The following FAM241A variants were observed in gnomAD, a reference collection of about 807,000 sequenced individuals.
FAM241A encodes the protein family with sequence similarity 241 member A.
A neutral mutation model predicts 12.2 loss-of-function variants in FAM241A; 7 were observed. That is an observed-to-expected ratio of 0.58 (90% CI 0.33 to 1.08). FAM241A has a LOEUF of 1.08. Ranked by LOEUF, FAM241A falls within the 50% of genes least tolerant of loss-of-function variation. The probability of loss-of-function intolerance (pLI) is 0.04; values close to 1 mark genes in which losing one functional copy is unlikely to be tolerated. For missense variants in FAM241A, 161 were observed against 169.7 expected, an observed-to-expected ratio of 0.95 and a Z score of 0.29; for synonymous variants, 74 against 68.2, an observed-to-expected ratio of 1.08 and a Z score of -0.42.
At chr4:112,173,702 T>G (rs993801147) in intron 1 of FAM241A, among the ~76,000 whole-genome samples, 5 of 152,182 alleles carry the variant, frequency 3.3e-5, no homozygotes, top group Non-Finnish European at 7.3e-5. Flanking sequence ...ATGTGAAGAA[T>G]AATAAACACT....
In FAM241A at chr4:112,189,109, G is replaced by A. The variant is rs1724106241; in HGVS notation, c.*2171G>A. On this transcript the variant is annotated 3_prime_UTR_variant, in exon 2 of 2. Transcript: ENST00000309733. ...TGGTATAAAGAATTAGATTGGGCCGGGCGCGGTGGCTCACGCCTGTAATCC... is the reference window on the plus strand; with the variant it reads ...TGGTATAAAGAATTAGATTGGGCCGAGCGCGGTGGCTCACGCCTGTAATCC... The A allele has an allele frequency of 6.6e-6, 1 of 152,006 alleles. No homozygotes were observed. The highest frequency in any genetic ancestry group is 6.6e-5 in the Admixed American group (1 of 15,266). The allele number at this position is 152,006 out of a possible 1,614,324, so 9.4% of individuals were successfully genotyped here. A position where few individuals can be genotyped will look rare whatever the true frequency, so the allele number is the denominator to read the frequency against.
chr4:112,164,681 G>A (rs1309907645), intron 1 of FAM241A, among the ~76,000 whole-genome samples: 1 of 152,066 alleles, frequency 6.6e-6, no homozygotes, highest in African/African-American at 2.4e-5. Flanking sequence ...CCATAGAATG[G>A]GAGAAAATAT....
chr4:112,146,518 A>C (rs1023700438), intron 1 of FAM241A, among the ~76,000 whole-genome samples: 3 of 152,252 alleles, frequency 2.0e-5, no homozygotes, highest in Admixed American at 2.0e-4. Flanking sequence ...TGTATGTTGG[A>C]TGAATTTTCT....
chr4:112,172,531 G>GT (rs1478098153), intron 1 of FAM241A, among the ~76,000 whole-genome samples: 2 of 152,128 alleles, frequency 1.3e-5, no homozygotes, highest in Non-Finnish European at 2.9e-5. Flanking sequence ...GCATTAGTGG[G>GT]TTTTTTGCCA....
At chr4:112,155,018 G>A (rs1465764060) in intron 1 of FAM241A, among the ~76,000 whole-genome samples, 1 of 151,886 alleles carries the variant, frequency 6.6e-6, no homozygotes, top group Non-Finnish European at 1.5e-5. Context: ...GGGCGACAGA[G>A]CAAAACTCCG....
chr4:112,182,460 A>G (rs1187095969), intron 1 of FAM241A, among the ~76,000 whole-genome samples: 1 of 152,126 alleles, frequency 6.6e-6, no homozygotes, highest in African/African-American at 2.4e-5. Flanking sequence ...ATTTGTAATA[A>G]GTTAATTCTA....
At chr4:112,165,705 AAAT>A (rs1322208087) in intron 1 of FAM241A, among the ~76,000 whole-genome samples, 1 of 152,170 alleles carries the variant, frequency 6.6e-6, no homozygotes, top group East Asian at 1.9e-4. Flanking sequence ...CTAAAAATCA[AAAT>A]AATTGAACTC....
In FAM241A at chr4:112,192,534, C is replaced by T. The variant is rs1043711485; in HGVS notation, c.*5596C>T. On this transcript the variant is annotated 3_prime_UTR_variant, in exon 2 of 2. Transcript: ENST00000309733. The stretch of plus-strand genomic sequence containing the variant: ...ACAACAGTCCCCAGAGTGTGATGTT[C>T]CCCTTCCTGTGTCCATGTGTTCTCA... 7.0e-6 allele frequency: 1 copy of T among 142,572 alleles called. No individual in the cohort carries two copies. Among genetic ancestry groups the T allele is most frequent in the African/African-American group, 2.6e-5 (1 of 37,998 alleles). 8.8% of individuals were successfully genotyped at this position (142,572 alleles called of 1,614,324 possible). A position where few individuals can be genotyped will look rare whatever the true frequency, so the allele number is the denominator to read the frequency against.
intron 1 of FAM241A, chr4:112,171,437 C>A: frequency 1.3e-6 from 1 of 775,718 alleles, no homozygotes. Flanking sequence ...GTTGAGCCAA[C>A]TGCAGATCTA....
intron 1 of FAM241A, among the ~76,000 whole-genome samples, chr4:112,182,298 G>A (rs112707649): frequency 1.6e-4 from 24 of 152,170 alleles, no homozygotes; most frequent in East Asian, 3.9e-4. Context: ...TAATTGAATC[G>A]GATGACCTTT....
intron 1 of FAM241A, among the ~76,000 whole-genome samples, chr4:112,165,273 G>A (rs1723570758): frequency 6.6e-6 from 1 of 152,142 alleles, no homozygotes; most frequent in African/African-American, 2.4e-5. Flanking sequence ...GTGAGGATGT[G>A]GAGAAAAGGG....
At position 112,145,663 on chromosome 4, in the gene FAM241A, C is replaced by T; in HGVS notation, c.83C>T (p.Ala28Val). Residue 28 changes from alanine to valine, a missense_variant, in exon 1 of 2, where the codon GCG (alanine) becomes GTG (valine). Coordinates refer to ENST00000309733, the MANE Select transcript of FAM241A (RefSeq NM_152400.3). ...GGGGACGCGCTGGCGGAGCGGGAGGCGGCAGGGACCGGGTGGGATCCCGGG... is the reference window on the plus strand; with the variant it reads ...GGGGACGCGCTGGCGGAGCGGGAGGTGGCAGGGACCGGGTGGGATCCCGGG... ...EDGDALAERE[A>V]AGTGWDPGAS... 1 of 1,214,816 alleles carries T rather than the reference C, an allele frequency of 8.2e-7. No individual in the cohort carries two copies. Among genetic ancestry groups the T allele is most frequent in the Non-Finnish European group, 1.0e-6 (1 of 976,698 alleles). The allele number at this position is 1,214,816 out of a possible 1,614,324, so 75.3% of individuals were successfully genotyped here.
At chr4:112,161,477 T>C (rs11505080) in intron 1 of FAM241A, among the ~76,000 whole-genome samples, 188 of 151,836 alleles carry the variant, frequency 1.2e-3, no homozygotes, top group African/African-American at 4.1e-3. Context: ...GATAAAGGGG[T>C]ATCACCACCA....
intron 1 of FAM241A, among the ~76,000 whole-genome samples, chr4:112,181,812 A>AT (rs1723948849): frequency 6.6e-6 from 1 of 152,230 alleles, no homozygotes; most frequent in African/African-American, 2.4e-5. Context: ...AGAGACCCAG[A>AT]TAGAAGCCAG....
intron 1 of FAM241A, among the ~76,000 whole-genome samples, chr4:112,179,943 A>ATATATATATATATATGTG (rs1553921438): frequency 1.5e-5 from 2 of 129,512 alleles, no homozygotes; most frequent in South Asian, 2.3e-4. Flanking sequence ...ATATATGTAT[A>ATATATATATATATATGTG]TGTGTGTGTG....
At position 112,171,505 on chromosome 4, in the gene FAM241A, G is replaced by C. The variant is rs1031167230; in HGVS notation, c.154-15188G>C. ...TTTGAACTGGGAGGAGATAAGGAAA[G>C]AAAGGCCCAAGTGATTCAGTTCTAA... On this transcript the variant is annotated intron_variant, in intron 1 of 1. Coordinates refer to ENST00000309733, the MANE Select transcript of FAM241A (RefSeq NM_152400.3). 3.1e-5 allele frequency: 24 copies of C among 771,690 alleles called. No individual in the cohort carries two copies. The African/African-American group carries it at 3.5e-4, about 11-fold the overall frequency. 47.8% of individuals were successfully genotyped at this position (771,690 alleles called of 1,614,324 possible).
rs1578383289 is a variant in FAM241A, at chr4:112,192,523, A to G, written c.*5585A>G. On this transcript the variant is annotated 3_prime_UTR_variant, in exon 2 of 2. Coordinates refer to ENST00000309733, the MANE Select transcript of FAM241A (RefSeq NM_152400.3). The stretch of plus-strand genomic sequence containing the variant: ...CCCCCCACCCCACAACAGTCCCCAG[A>G]GTGTGATGTTCCCCTTCCTGTGTCC... 8.3e-6 allele frequency: 1 copy of G among 121,044 alleles called. No homozygotes were observed. Among genetic ancestry groups the G allele is most frequent in the Non-Finnish European group, 1.6e-5 (1 of 60,668 alleles). The allele number at this position is 121,044 out of a possible 1,614,324, so 7.5% of individuals were successfully genotyped here.
Position 112,191,953 on chromosome 4 carries a change from T to C in FAM241A, c.*5015T>C, listed in dbSNP as rs1267177084. ...TGGGACATAATAGGCCATCAAAATA[T>C]TTATCAAGTAAACCCACTTCATCTA... On this transcript the variant is annotated 3_prime_UTR_variant, in exon 2 of 2. Coordinates refer to ENST00000309733, the MANE Select transcript of FAM241A (RefSeq NM_152400.3). 1 of 152,168 alleles carries C rather than the reference T, an allele frequency of 6.6e-6. No individual in the cohort carries two copies. The highest frequency in any genetic ancestry group is 1.5e-5 in the Non-Finnish European group (1 of 68,034). The allele number at this position is 152,168 out of a possible 1,614,324, so 9.4% of individuals were successfully genotyped here.
chr4:112,175,488 C>G (rs1723800810), intron 1 of FAM241A, among the ~76,000 whole-genome samples: 1 of 152,084 alleles, frequency 6.6e-6, no homozygotes, highest in Admixed American at 6.6e-5. Context: ...AAATGTTCAG[C>G]CGGGTGTGGT....
Sources: allele counts gnomAD v4.1 joint callset (sites outside exome capture counted in the v4.1 genomes callset), GRCh38; gene constraint gnomAD v4.1.1; transcripts MANE v1.5; gene names NCBI Gene and HGNC (gene_info 2026-07-23, HGNC 2026-07-21).